The following ARSB variants were observed in gnomAD, a reference collection of about 807,000 sequenced individuals.
ARSB encodes the protein arylsulfatase B, also known as N-acetylgalactosamine-4-sulfatase.
A neutral mutation model predicts 50.9 loss-of-function variants in ARSB; 41 were observed. That is an observed-to-expected ratio of 0.81 (90% CI 0.63 to 1.04). ARSB has a LOEUF of 1.04. Among genes scored for constraint, ARSB ranks in the 50% least tolerant of loss-of-function variants. ARSB has a pLI of 0.00. For missense variants in ARSB, 672 were observed against 693.3 expected (o/e 0.97, Z 0.35); for synonymous variants, 269 against 284.8 (o/e 0.94, Z 0.56).
chr5:78,806,137 A>G (rs1378735080), intron 6 of ARSB, among the ~76,000 whole-genome samples: 1 of 152,244 alleles, frequency 6.6e-6, no homozygotes, highest in Non-Finnish European at 1.5e-5. Flanking sequence ...TTATTATAAA[A>G]TCTGTTCTGG....
chr5:78,918,630 A>C (rs1245265852), intron 4 of ARSB, among the ~76,000 whole-genome samples: 1 of 152,224 alleles, frequency 6.6e-6, no homozygotes, highest in African/African-American at 2.4e-5. Context: ...TGAAACTTAG[A>C]AACTTTCAAG....
intron 4 of ARSB, among the ~76,000 whole-genome samples, chr5:78,903,924 T>C (rs10072794): frequency 0.031 from 4,663 of 152,328 alleles, 101 homozygotes; most frequent in Non-Finnish European, 0.045. Flanking sequence ...AATAGAGTCA[T>C]ATAAATACCA....
chr5:78,820,910 C>T (rs1744189267), intron 6 of ARSB, among the ~76,000 whole-genome samples: 2 of 150,378 alleles, frequency 1.3e-5, no homozygotes, highest in South Asian at 4.2e-4. Context: ...ATCTCCAAGA[C>T]AGATCATTGA....
intron 4 of ARSB, among the ~76,000 whole-genome samples, chr5:78,893,192 G>A (rs983464385): frequency 1.3e-5 from 2 of 152,114 alleles, no homozygotes; most frequent in African/African-American, 4.8e-5. Flanking sequence ...ATGTGCCTTT[G>A]TTCTTCCCTC....
intron 1 of ARSB, among the ~76,000 whole-genome samples, chr5:78,978,575 T>C (rs1400574673): frequency 1.3e-5 from 2 of 152,066 alleles, no homozygotes; most frequent in African/African-American, 2.4e-5. Flanking sequence ...AATAACAAAA[T>C]TGGAAGACTT....
At chr5:78,808,548 C>T (rs370887550) in intron 6 of ARSB, among the ~76,000 whole-genome samples, 2 of 152,156 alleles carry the variant, frequency 1.3e-5, no homozygotes, top group Non-Finnish European at 2.9e-5. Flanking sequence ...TTCTAGAGCA[C>T]GTAGCTGGCA....
In ARSB at chr5:78,962,727, T is replaced by C. The variant is rs1752047517; in HGVS notation, c.690+1689A>G. Reference sequence around the variant, plus strand: ...GTATTTTTAGTAGAGACGGGGTTTCTATTATTTTTTAATGAATGTCAGGAG... The same window carrying C: ...GTATTTTTAGTAGAGACGGGGTTTCCATTATTTTTTAATGAATGTCAGGAG... On this transcript the variant is annotated intron_variant, in intron 3 of 7. Transcript: ENST00000264914. 3.3e-5 allele frequency among the ~76,000 whole-genome samples: 5 copies of C among 151,974 alleles called. 1 individual carries two copies. Among genetic ancestry groups the C allele is most frequent in the Admixed American group, 3.3e-4 (5 of 15,254 alleles).
chr5:78,969,521 A>G (rs2112531856), intron 1 of ARSB, among the ~76,000 whole-genome samples: 1 of 152,362 alleles, frequency 6.6e-6, no homozygotes, highest in Non-Finnish European at 1.5e-5. Context: ...AACAAGAAAA[A>G]AGCGTTCCAA....
chr5:78,796,199 CT>C (rs1368215166), intron 6 of ARSB, among the ~76,000 whole-genome samples: 1 of 152,216 alleles, frequency 6.6e-6, no homozygotes, highest in African/African-American at 2.4e-5. Flanking sequence ...GAAAAAATAA[CT>C]TATTTCATAT....
chr5:78,817,258 C>A (rs569652875), intron 6 of ARSB: 14 of 300,158 alleles, frequency 4.7e-5, no homozygotes, highest in Admixed American at 6.5e-5. Context: ...GCTTCCCTCC[C>A]CAAACCCACA....
At chr5:78,797,170 G>A (rs1020187042) in intron 6 of ARSB, among the ~76,000 whole-genome samples, 11 of 152,134 alleles carry the variant, frequency 7.2e-5, no homozygotes, top group Admixed American at 2.0e-4. Flanking sequence ...GAGCCACCGC[G>A]CCCGGCAGGT....
chr5:78,878,098 A>T (rs892681972), intron 5 of ARSB, among the ~76,000 whole-genome samples: 4 of 152,030 alleles, frequency 2.6e-5, no homozygotes, highest in South Asian at 2.1e-4. Context: ...AATTTTTTTT[A>T]AATAAAAAGA....
chr5:78,851,564 T>A (rs879624287), intron 5 of ARSB, among the ~76,000 whole-genome samples: 14 of 152,168 alleles, frequency 9.2e-5, no homozygotes, highest in South Asian at 2.1e-4. Flanking sequence ...GGTCTGTAGA[T>A]GTCTATTAGG....
At chr5:78,781,323 C>CTTTTTTTTTTT (rs376851173) in intron 7 of ARSB, among the ~76,000 whole-genome samples, 44 of 75,358 alleles carry the variant, frequency 5.8e-4, no homozygotes, top group African/African-American at 1.0e-3. Context: ...CTCTCTCTCT[C>CTTTTTTTTTTT]TTTTTTTTTT....
At chr5:78,783,878 T>C (rs1748999812) in intron 6 of ARSB, among the ~76,000 whole-genome samples, 2 of 152,218 alleles carry the variant, frequency 1.3e-5, no homozygotes, top group South Asian at 4.1e-4. Flanking sequence ...ACTATTATCT[T>C]GACTTTATTG....
At chr5:78,801,051 G>A (rs968923677) in intron 6 of ARSB, among the ~76,000 whole-genome samples, 4 of 152,150 alleles carry the variant, frequency 2.6e-5, no homozygotes, top group African/African-American at 9.7e-5. Flanking sequence ...GGAAAAGATG[G>A]GTTGCGTTAG....
At chr5:78,832,980 G>A (rs1005595556) in intron 6 of ARSB, among the ~76,000 whole-genome samples, 2 of 152,182 alleles carry the variant, frequency 1.3e-5, no homozygotes, top group African/African-American at 2.4e-5. Context: ...AAAGTGAGTC[G>A]TGGTCTCAGA....
intron 1 of ARSB, among the ~76,000 whole-genome samples, chr5:78,974,805 G>A (rs755268493): frequency 4.6e-5 from 7 of 152,178 alleles, no homozygotes; most frequent in Non-Finnish European, 1.0e-4. Flanking sequence ...AATGTCTCTT[G>A]GATTTGGCTA....
chr5:78,881,024 G>T (rs1305882938), intron 5 of ARSB, among the ~76,000 whole-genome samples: 2 of 152,132 alleles, frequency 1.3e-5, no homozygotes, highest in African/African-American at 4.8e-5. Context: ...TTGAGGCCAG[G>T]AGTTCAAGAC....
Sources: allele counts gnomAD v4.1 joint callset (sites outside exome capture counted in the v4.1 genomes callset), GRCh38; gene constraint gnomAD v4.1.1; transcripts MANE v1.5; gene names NCBI Gene and HGNC (gene_info 2026-07-23, HGNC 2026-07-21).